TMIGD3: variants seen among roughly 807,000 people sequenced by gnomAD.
The protein encoded by TMIGD3 is transmembrane and immunoglobulin domain containing 3, also known as AD026 protein (AD026).
A neutral mutation model predicts 28.1 loss-of-function variants in TMIGD3; 21 were observed. That is an observed-to-expected ratio of 0.75 (90% CI 0.53 to 1.08). TMIGD3 has a LOEUF of 1.08. Ranked by LOEUF, TMIGD3 falls within the 50% of genes least tolerant of loss-of-function variation. TMIGD3 has a pLI of 0.00. For missense variants in TMIGD3, 416 were observed against 435.6 expected (o/e 0.96, Z 0.40); for synonymous variants, 151 against 162.1 (o/e 0.93, Z 0.52).
chr1:111,504,656 T>C (rs1027277780), upstream of TMIGD3, among the ~76,000 whole-genome samples: 1 of 152,222 alleles, frequency 6.6e-6, no homozygotes, highest in Non-Finnish European at 1.5e-5. Context: ...CATCTAAATA[T>C]GTACAGCCCA....
At chr1:111,527,349 T>C (rs1440899305) in intron 1 of TMIGD3, among the ~76,000 whole-genome samples, 1 of 152,226 alleles carries the variant, frequency 6.6e-6, no homozygotes. Flanking sequence ...TTGTTTCTTT[T>C]TAGCACTGAA....
At chr1:111,541,162 G>A (rs1485973196) in intron 1 of TMIGD3, among the ~76,000 whole-genome samples, 2 of 152,222 alleles carry the variant, frequency 1.3e-5, no homozygotes, top group Admixed American at 6.5e-5. Context: ...TACAAAAATA[G>A]GGGCAAGCCA....
At chr1:111,500,835 A>G (rs1364081244) in intron 1 of TMIGD3, 1 of 516,400 alleles carries the variant, frequency 1.9e-6, no homozygotes, top group Non-Finnish European at 3.4e-6. Context: ...GATAAGGAGG[A>G]TGTTGCCTAG....
intron 1 of TMIGD3, among the ~76,000 whole-genome samples, chr1:111,502,452 T>C (rs868769373): frequency 4.9e-5 from 7 of 142,940 alleles, no homozygotes; most frequent in African/African-American, 1.8e-4. Flanking sequence ...ATAATGAATA[T>C]ATATAGGATA....
chr1:111,509,087 TC>T (rs1478058777), intron 1 of TMIGD3, among the ~76,000 whole-genome samples: 1 of 152,128 alleles, frequency 6.6e-6, no homozygotes, highest in East Asian at 1.9e-4. Flanking sequence ...AGAGCGAGAC[TC>T]CGTCTCAAAC....
upstream of TMIGD3, among the ~76,000 whole-genome samples, chr1:111,507,300 G>T (rs1655542851): frequency 6.6e-6 from 1 of 151,810 alleles, no homozygotes; most frequent in Admixed American, 6.6e-5. Flanking sequence ...TCTACTAAAA[G>T]AACCTGAACT....
At chr1:111,506,892 C>CAA (rs10653519), upstream of TMIGD3, among the ~76,000 whole-genome samples, 50,856 of 131,996 alleles carry the variant, frequency 0.39, 9,914 homozygotes, top group Non-Finnish European at 0.46. Flanking sequence ...TTCTTAAAAA[C>CAA]AAAAAATATA....
chr1:111,515,567 G>A (rs1038993904), intron 1 of TMIGD3, among the ~76,000 whole-genome samples: 1 of 152,212 alleles, frequency 6.6e-6, no homozygotes, highest in Non-Finnish European at 1.5e-5. Flanking sequence ...CAGAGGCGAT[G>A]AGCACCGGGC....
At chr1:111,532,653 A>G (rs1334403488) in intron 1 of TMIGD3, among the ~76,000 whole-genome samples, 8 of 152,282 alleles carry the variant, frequency 5.3e-5, no homozygotes, top group African/African-American at 1.4e-4. Context: ...AAGAAAGAGC[A>G]AAAGGAAAAA....
chr1:111,550,224 T>C (rs1657205197), intron 1 of TMIGD3, among the ~76,000 whole-genome samples: 1 of 152,202 alleles, frequency 6.6e-6, no homozygotes, highest in South Asian at 2.1e-4. Flanking sequence ...CCTATTTTTC[T>C]GGTCAGCATG....
chr1:111,493,771 C>T (rs888060749), intron 1 of TMIGD3, among the ~76,000 whole-genome samples: 1 of 152,180 alleles, frequency 6.6e-6, no homozygotes, highest in Non-Finnish European at 1.5e-5. Flanking sequence ...AGTAGAGCCA[C>T]TATGATTTGA....
At chr1:111,559,972 A>C (rs537138283) in intron 1 of TMIGD3, among the ~76,000 whole-genome samples, 3 of 152,338 alleles carry the variant, frequency 2.0e-5, no homozygotes, top group Admixed American at 6.5e-5. Flanking sequence ...CCTGTCCCAC[A>C]CTTCAAGATC....
chr1:111,542,729 C>T (rs1030100038), intron 1 of TMIGD3, among the ~76,000 whole-genome samples: 2 of 151,880 alleles, frequency 1.3e-5, no homozygotes, highest in Admixed American at 1.3e-4. Flanking sequence ...TGGAGTCTCA[C>T]CCTGTCACCC....
chr1:111,537,220 T>G (rs1656667586), intron 1 of TMIGD3, among the ~76,000 whole-genome samples: 2 of 152,236 alleles, frequency 1.3e-5, no homozygotes, highest in Non-Finnish European at 1.5e-5. Flanking sequence ...CCCAGGGCAC[T>G]CACTTCTAGC....
At chr1:111,499,501 G>T in intron 1 of TMIGD3, 1 of 999,286 alleles carries the variant, frequency 1.0e-6, no homozygotes, top group Non-Finnish European at 1.2e-6. Flanking sequence ...CTTAAACTCA[G>T]TTTATTTTTT....
intron 1 of TMIGD3, among the ~76,000 whole-genome samples, chr1:111,548,947 T>C (rs895133453): frequency 4.6e-5 from 7 of 152,216 alleles, no homozygotes; most frequent in Non-Finnish European, 7.3e-5. Context: ...TGTTCAGACA[T>C]GTTATAAGTT....
intron 1 of TMIGD3, among the ~76,000 whole-genome samples, chr1:111,556,940 T>C (rs540544418): frequency 6.6e-6 from 1 of 152,170 alleles, no homozygotes; most frequent in Admixed American, 6.5e-5. Flanking sequence ...CAAGGTTTTT[T>C]CAAAACTTGG....
intron 1 of TMIGD3, among the ~76,000 whole-genome samples, chr1:111,535,846 C>T (rs2786968): frequency 0.96 from 145,642 of 152,204 alleles, 69,935 homozygotes; most frequent in Non-Finnish European, 1. Context: ...GCTCTAGAAA[C>T]CCAGCTGCCT....
chr1:111,530,130 G>A (rs1656411919), intron 1 of TMIGD3, among the ~76,000 whole-genome samples: 1 of 152,200 alleles, frequency 6.6e-6, no homozygotes, highest in Non-Finnish European at 1.5e-5. Flanking sequence ...TTTATCTTTT[G>A]TGTCGGCTCA....
Sources: allele counts gnomAD v4.1 joint callset (sites outside exome capture counted in the v4.1 genomes callset), GRCh38; gene constraint gnomAD v4.1.1; transcripts MANE v1.5; gene names NCBI Gene and HGNC (gene_info 2026-07-23, HGNC 2026-07-21).